Variants in SPTA1 observed in about 807,000 individuals in gnomAD.
The protein encoded by SPTA1 is spectrin alpha chain, erythrocytic 1.
In SPTA1, 177 loss-of-function variants were observed where a neutral mutation model predicts 324.7. The observed-to-expected ratio is 0.55, with a 90% CI of 0.48 to 0.62. The LOEUF is 0.62. Ranked by LOEUF, SPTA1 falls within the 20% of genes least tolerant of loss-of-function variation. The pLI is 0.00. For missense variants in SPTA1, 3,162 were observed against 2,883.6 expected (o/e 1.10, Z -2.21); for synonymous variants, 1,195 against 1,041.3 (o/e 1.15, Z -2.84).
intron 43 of SPTA1, chr1:158,620,840 G>GAAAAAAAAAAA (rs200959019): frequency 1.0e-4 from 9 of 89,502 alleles, no homozygotes; most frequent in African/African-American, 2.3e-4. Context: ...TAGTAAACAT[G>GAAAAAAAAAAA]AAAAAAAAAA....
rs1177353050 is a variant in SPTA1 at position 158,659,595 on chromosome 1, A to ATTTTTTTTTTTTT, written c.2587+1679_2587+1691dup. ...AAAAGAAAATAATAGTCTTAGCATT[A>ATTTTTTTTTTTTT]TTTTTTTTTTTTTTTTTTTTTTTTT... On this transcript the variant is annotated intron_variant, in intron 18 of 51. Coordinates refer to ENST00000643759, the MANE Select transcript of SPTA1 (RefSeq NM_003126.4). Among the ~76,000 whole-genome samples the ATTTTTTTTTTTTT allele has an allele frequency of 1.1e-3, 76 of 68,776 alleles. 9 individuals are homozygous for ATTTTTTTTTTTTT. Among genetic ancestry groups the ATTTTTTTTTTTTT allele is most frequent in the South Asian group, 5.5e-3 (6 of 1,094 alleles). 45.1% of individuals were successfully genotyped at this position (68,776 alleles called of 152,430 possible).
chr1:158,619,244 G>A lies in SPTA1; in HGVS notation c.6508C>T (p.Leu2170Phe). The change falls in exon 45 of 52, where the codon CTT becomes TTT. Residue 2170 changes from leucine (L) to phenylalanine (F), a missense_variant. By Grantham distance (22) the Leu-to-Phe change is conservative. Coordinates refer to ENST00000643759, the MANE Select transcript of SPTA1 (RefSeq NM_003126.4). Reference protein sequence around the residue: ...QEFEQNASTFLQWILETRAYF... With the variant: ...QEFEQNASTFFQWILETRAYF... ...CACCTGGTTTCCAGGATCCATTGAA[G>A]GAAGGTACTGGCATTCTGTTCAAAC... is the stretch of plus-strand genomic sequence containing the variant. The A allele has an allele frequency of 6.2e-7, 1 of 1,614,090 alleles. No homozygotes were observed. Among genetic ancestry groups the A allele is most frequent in the Admixed American group, 1.7e-5 (1 of 60,018 alleles).
chr1:158,611,166 C>CACACACACAA lies in SPTA1; in HGVS notation c.*97_*98insTTGTGTGTGT. On this transcript the variant is annotated 3_prime_UTR_variant, in exon 52 of 52. Coordinates refer to ENST00000643759, the MANE Select transcript of SPTA1 (RefSeq NM_003126.4). ...ACACACACACACACACACACACACA[C>CACACACACAA]GAGGCCATCTTTATCTTCCACATTT... The CACACACACAA allele has an allele frequency of 2.2e-6, 3 of 1,387,712 alleles. No homozygotes were observed. The highest frequency in any genetic ancestry group is 3.0e-6 in the Non-Finnish European group (3 of 989,750). The allele number at this position is 1,387,712 out of a possible 1,614,324, so 86.0% of individuals were successfully genotyped here.
At chr1:158,616,831 T>A (rs1649585498) in intron 47 of SPTA1, among the ~76,000 whole-genome samples, 1 of 152,190 alleles carries the variant, frequency 6.6e-6, no homozygotes, top group South Asian at 2.1e-4. Flanking sequence ...TTTGAGGAAT[T>A]TCCATACTGG....
chr1:158,614,360 C>A (rs1571369339), intron 48 of SPTA1, 54 bp from the exon 49 acceptor site: 1 of 1,249,404 alleles, frequency 8.0e-7, no homozygotes, highest in East Asian at 2.3e-5. Context: ...CACAGGTTAG[C>A]AGAACACAAG....
chr1:158,618,148 T>C (rs990576743), intron 45 of SPTA1, 92 bp from the exon 46 acceptor site: 87 of 1,325,362 alleles, frequency 6.6e-5, no homozygotes, highest in Non-Finnish European at 8.8e-5. Flanking sequence ...TTTCCTCAGA[T>C]TTATGAAACA....
intron 45 of SPTA1, 119 bp downstream of exon 45, chr1:158,619,103 G>C (rs1191156828): frequency 5.0e-6 from 5 of 997,944 alleles, no homozygotes; most frequent in Non-Finnish European, 8.0e-6. Flanking sequence ...AAGATATGGG[G>C]ATTTTAGGGC....
At chr1:158,671,551 A>T in intron 11 of SPTA1, 98 bp from the exon 12 acceptor site, 1 of 946,128 alleles carries the variant, frequency 1.1e-6, no homozygotes, top group South Asian at 1.4e-5. Flanking sequence ...AGGAGGGAAC[A>T]AGGTGGGAAT....
At chr1:158,665,618 A>G (rs1653538721) in intron 16 of SPTA1, among the ~76,000 whole-genome samples, 1 of 152,160 alleles carries the variant, frequency 6.6e-6, no homozygotes, top group Non-Finnish European at 1.5e-5. Context: ...AGAGTCTGTT[A>G]TGATGTTGGA....
chr1:158,659,595 ATTTTTTTTT>A lies in SPTA1; in HGVS notation c.2587+1683_2587+1691del, dbSNP rs1177353050. On this transcript the variant is annotated intron_variant, in intron 18 of 51. Coordinates refer to ENST00000643759, the MANE Select transcript of SPTA1 (RefSeq NM_003126.4). ...AAAAGAAAATAATAGTCTTAGCATTATTTTTTTTTTTTTTTTTTTTTTTTTTGAGACGGA... is the reference window on the plus strand; with the variant it reads ...AAAAGAAAATAATAGTCTTAGCATTATTTTTTTTTTTTTTTTTGAGACGGA... Among the ~76,000 whole-genome samples the A allele has an allele frequency of 8.3e-4, 57 of 68,714 alleles. 11 individuals are homozygous for A. Among genetic ancestry groups the A allele is most frequent in the East Asian group, 8.9e-4 (2 of 2,252 alleles). 45.1% of individuals were successfully genotyped at this position (68,714 alleles called of 152,430 possible).
chr1:158,685,372 C>G lies in SPTA1; in HGVS notation c.25-25G>C, dbSNP rs2564859. ...CCTGCAAGTTAAAAAGATTCTGTTA[C>G]TTGCTAGTTCTCAAATATTTAACAT... On this transcript the variant is annotated intron_variant, in intron 1 of 51. Transcript: ENST00000643759. 20 of 1,610,832 alleles carry G rather than the reference C, an allele frequency of 1.2e-5. No individual in the cohort carries two copies. In the African/African-American group the frequency reaches 2.0e-4, roughly 16 times the overall value.
rs748917509 is a variant in SPTA1, at chr1:158,674,613, G to A, written c.1175C>T (p.Ala392Val). ...TGTTGGCAGCTCATCAGCATTGATC[G>A]CAGCAGTCTTCTCGTTCATCCAGCC... is the stretch of plus-strand genomic sequence containing the variant. ...LSGWMNEKTA[A>V]INADELPTDV... Residue 392 changes from alanine to valine, a missense_variant, in exon 9 of 52, where the codon GCG (alanine) becomes GTG (valine). Physicochemically the swap from Ala to Val is moderately conservative, Grantham distance 64. Transcript: ENST00000643759. 3.5e-5 allele frequency: 56 copies of A among 1,613,912 alleles called. No homozygotes were observed. The highest frequency in any genetic ancestry group is 3.3e-4 in the Admixed American group (20 of 59,990).
At chr1:158,623,608 T>G (rs1650067283) in intron 42 of SPTA1, among the ~76,000 whole-genome samples, 1 of 152,210 alleles carries the variant, frequency 6.6e-6, no homozygotes, top group Admixed American at 6.5e-5. Context: ...TTCCCCCTTT[T>G]GTGCAGCACT....
At chr1:158,638,338 A>G in intron 35 of SPTA1, 97 bp from the exon 36 acceptor site, 7 of 1,209,556 alleles carry the variant, frequency 5.8e-6, no homozygotes, top group South Asian at 1.3e-5. Flanking sequence ...GACTGGGCCA[A>G]ATGGATTGCT....
intron 3 of SPTA1, among the ~76,000 whole-genome samples, chr1:158,682,611 G>A (rs891184249): frequency 6.6e-6 from 1 of 152,016 alleles, no homozygotes; most frequent in Non-Finnish European, 1.5e-5. Flanking sequence ...ATATAGAAAG[G>A]CCAGACCCAG....
At chr1:158,652,120 ATAAT>A (rs1652488421) in intron 23 of SPTA1, among the ~76,000 whole-genome samples, 1 of 152,182 alleles carries the variant, frequency 6.6e-6, no homozygotes, top group Non-Finnish European at 1.5e-5. Flanking sequence ...ACTCTGCCCC[ATAAT>A]TAAACTTTAC....
intron 45 of SPTA1, 164 bp from the exon 46 acceptor site, chr1:158,618,220 C>T: frequency 1.4e-6 from 1 of 707,604 alleles, no homozygotes; most frequent in East Asian, 2.8e-5. Context: ...CAAGGCCTCT[C>T]CCACTCTGAG....
At position 158,610,840 on chromosome 1, in the gene SPTA1, G is replaced by A. The variant is rs879849461; in HGVS notation, c.*424C>T. 6.4e-6 allele frequency: 1 copy of A among 156,586 alleles called. No homozygotes were observed. Among genetic ancestry groups the A allele is most frequent in the Admixed American group, 6.3e-5 (1 of 15,942 alleles). 9.7% of individuals were successfully genotyped at this position (156,586 alleles called of 1,614,324 possible). ...GCCCTTCTTTACAGTAAAATTAGCT[G>A]CCCACTCTTATATGAGTACAGTTCC... On this transcript the variant is annotated 3_prime_UTR_variant, in exon 52 of 52. Coordinates refer to ENST00000643759, the MANE Select transcript of SPTA1 (RefSeq NM_003126.4).
At position 158,614,288 on chromosome 1, in the gene SPTA1, A is replaced by C. The variant is rs1456661129; in HGVS notation, c.6807T>G (p.Ser2269Arg). The C allele has an allele frequency of 3.1e-6, 5 of 1,597,062 alleles. No homozygotes were observed. The African/African-American group carries it at 6.7e-5, about 22-fold the overall frequency. Residue 2269 changes from serine (S) to arginine (R), a missense_variant, in exon 49 of 52, where the codon AGT (serine) becomes AGG (arginine). Coordinates refer to ENST00000643759, the MANE Select transcript of SPTA1 (RefSeq NM_003126.4). Reference protein sequence around the residue: ...QIQAKDIKGVSEETLKEFSTI... With the variant: ...QIQAKDIKGVREETLKEFSTI... ...TGCTAAATTCCTTTAGAGTCTCTTC[A>C]CTCACACCTTTGATGTCCCTGAAAG... is the stretch of plus-strand genomic sequence containing the variant.
Sources: allele counts gnomAD v4.1 joint callset (sites outside exome capture counted in the v4.1 genomes callset), GRCh38; gene constraint gnomAD v4.1.1; transcripts MANE v1.5; gene names NCBI Gene and HGNC (gene_info 2026-07-23, HGNC 2026-07-21).